The following GRIK2 variants were observed in gnomAD, a reference collection of about 807,000 sequenced individuals.
GRIK2 encodes the protein glutamate receptor ionotropic, kainate 2.
GRIK2 carries 32 observed loss-of-function variants against 100.3 expected under a neutral mutation model. The ratio of observed to expected loss-of-function variants is 0.32; its 90% confidence interval spans 0.24 to 0.43. The LOEUF is 0.43. GRIK2 is among the 20% of genes least tolerant of loss of function. The pLI is 1.00. For synonymous variants in GRIK2, 417 were observed against 389.4 expected (o/e 1.07, Z -0.83); for missense variants, 843 against 1,114.9 (o/e 0.76, Z 3.47).
At chr6:101,759,396 A>C (rs548406369) in intron 7 of GRIK2, among the ~76,000 whole-genome samples, 122 of 152,286 alleles carry the variant, frequency 8.0e-4, no homozygotes, top group African/African-American at 2.9e-3. Flanking sequence ...CCAAAGCTAG[A>C]TGTCTCTTTA....
chr6:101,508,096 T>A (rs1042636950), intron 2 of GRIK2, among the ~76,000 whole-genome samples: 24 of 151,838 alleles, frequency 1.6e-4, no homozygotes, highest in Admixed American at 2.6e-4. Flanking sequence ...TATTATTATT[T>A]TTTTTTTTGG....
At chr6:102,068,080 A>G (rs1351131357) in intron 16 of GRIK2, among the ~76,000 whole-genome samples, 2 of 151,898 alleles carry the variant, frequency 1.3e-5, no homozygotes, top group African/African-American at 2.4e-5. Context: ...TTTATTTAAT[A>G]TATGTGTAAT....
intron 7 of GRIK2, among the ~76,000 whole-genome samples, chr6:101,780,225 C>T (rs1337713097): frequency 1.3e-5 from 2 of 152,132 alleles, no homozygotes; most frequent in Non-Finnish European, 2.9e-5. Flanking sequence ...CCATACTAGC[C>T]TGGTATTCGT....
At chr6:101,655,553 C>A (rs1782015594) in intron 4 of GRIK2, among the ~76,000 whole-genome samples, 1 of 152,116 alleles carries the variant, frequency 6.6e-6, no homozygotes, top group South Asian at 2.1e-4. Context: ...GAAAAAAAAC[C>A]ACTTCCTCGT....
intron 4 of GRIK2, among the ~76,000 whole-genome samples, chr6:101,643,598 G>C (rs182534424): frequency 2.1e-3 from 315 of 151,672 alleles, no homozygotes; most frequent in African/African-American, 7.4e-3. Flanking sequence ...TTATATGTCT[G>C]CCTTTGTGCC....
intron 7 of GRIK2, among the ~76,000 whole-genome samples, chr6:101,767,609 T>C (rs530362789): frequency 6.6e-6 from 1 of 152,240 alleles, no homozygotes; most frequent in East Asian, 1.9e-4. Flanking sequence ...TATTGTATAT[T>C]TGACTTTTGA....
intron 7 of GRIK2, among the ~76,000 whole-genome samples, chr6:101,786,986 A>G (rs1039040685): frequency 2.0e-5 from 3 of 151,922 alleles, no homozygotes; most frequent in African/African-American, 4.8e-5. Context: ...TATTGATTCA[A>G]TTTTGTTACT....
At chr6:101,649,359 A>G (rs769183031) in intron 4 of GRIK2, among the ~76,000 whole-genome samples, 3 of 152,126 alleles carry the variant, frequency 2.0e-5, no homozygotes, top group Non-Finnish European at 4.4e-5. Flanking sequence ...AACGTGCCCA[A>G]GGTCACACAG....
chr6:101,726,456 G>A (rs937487725), intron 7 of GRIK2, among the ~76,000 whole-genome samples: 4 of 151,916 alleles, frequency 2.6e-5, no homozygotes, highest in South Asian at 2.1e-4. Context: ...TAATAAACTC[G>A]TAACTCAGAT....
In GRIK2 at chr6:101,819,385, C is replaced by T. The variant is rs552063362; in HGVS notation, c.1317+902C>T. On this transcript the variant is annotated intron_variant, in intron 10 of 16. Transcript: ENST00000369134. ...TATATTCTTGCCCCTTTAGTAGCAA[C>T]GAGGGATGTCAGATCTGTAGGCATG... Among the ~76,000 whole-genome samples the T allele has an allele frequency of 5.9e-5, 9 of 152,194 alleles. No individual in the cohort carries two copies. The South Asian group carries it at 1.0e-3, about 18-fold the overall frequency.
intron 6 of GRIK2, among the ~76,000 whole-genome samples, chr6:101,684,256 C>T (rs568250246): frequency 2.0e-5 from 3 of 152,084 alleles, no homozygotes; most frequent in South Asian, 2.1e-4. Flanking sequence ...TCAGCATAAG[C>T]GTAAGATTTT....
intron 2 of GRIK2, among the ~76,000 whole-genome samples, chr6:101,405,703 G>A (rs1562114601): frequency 6.6e-6 from 1 of 152,042 alleles, no homozygotes; most frequent in Non-Finnish European, 1.5e-5. Context: ...CTGAAGAAAG[G>A]GTAGATCACT....
intron 7 of GRIK2, among the ~76,000 whole-genome samples, chr6:101,701,928 G>T (rs1378509671): frequency 1.3e-5 from 2 of 151,856 alleles, no homozygotes; most frequent in Non-Finnish European, 2.9e-5. Context: ...TCCCCTAACC[G>T]ATTTGTAAGA....
intron 10 of GRIK2, among the ~76,000 whole-genome samples, chr6:101,835,464 C>CTTTT (rs764148146): frequency 2.1e-4 from 19 of 89,034 alleles, no homozygotes; most frequent in East Asian, 8.2e-4. Context: ...CTATGAGTTC[C>CTTTT]TTTTTTTTTT....
chr6:101,732,537 G>A (rs769749159), intron 7 of GRIK2, among the ~76,000 whole-genome samples: 4 of 151,972 alleles, frequency 2.6e-5, no homozygotes, highest in Non-Finnish European at 4.4e-5. Context: ...CAAATAATGC[G>A]CTGTGGAATT....
At chr6:101,962,655 C>T (rs748954634) in intron 14 of GRIK2, among the ~76,000 whole-genome samples, 9 of 152,072 alleles carry the variant, frequency 5.9e-5, no homozygotes, top group Non-Finnish European at 1.2e-4. Context: ...TTTGCTAATT[C>T]TCCATTTCAC....
At chr6:102,009,199 C>T (rs1490424408) in intron 14 of GRIK2, among the ~76,000 whole-genome samples, 12 of 151,722 alleles carry the variant, frequency 7.9e-5, no homozygotes, top group Non-Finnish European at 1.8e-4. Context: ...CTAATGAATC[C>T]TTTTGATTTT....
chr6:101,399,707 G>C (rs1207330476), intron 2 of GRIK2, among the ~76,000 whole-genome samples: 1 of 152,164 alleles, frequency 6.6e-6, no homozygotes, highest in Non-Finnish European at 1.5e-5. Context: ...TGTCTCCCCC[G>C]GCGCCCTGCG....
At chr6:101,653,020 C>G (rs1310557594) in intron 4 of GRIK2, among the ~76,000 whole-genome samples, 2 of 144,344 alleles carry the variant, frequency 1.4e-5, no homozygotes, top group East Asian at 2.1e-4. Context: ...TCCTCTGTCT[C>G]TCTATCTTTT....
Sources: gnomAD v4.1 joint callset for allele counts (sites outside exome capture counted in the v4.1 genomes callset) on GRCh38, gnomAD v4.1.1 for gene constraint, MANE v1.5 for transcripts, NCBI Gene and HGNC (gene_info 2026-07-23, HGNC 2026-07-21) for gene names.